UNC13C: variants seen among roughly 807,000 people sequenced by gnomAD.
UNC13C encodes the protein protein unc-13 homolog C.
Under a neutral mutation model 245.4 loss-of-function variants are expected in UNC13C, and 174 were observed. The ratio of observed to expected loss-of-function variants is 0.71; its 90% CI spans 0.63 to 0.80. UNC13C has a LOEUF of 0.80. Ranked by LOEUF, UNC13C falls within the 30% of genes least tolerant of loss-of-function variation. The pLI is 0.00. For missense variants in UNC13C, 2,829 were observed against 2,602.9 expected, an observed-to-expected ratio of 1.09 and a Z score of -1.89; for synonymous variants, 992 against 895.1, an observed-to-expected ratio of 1.11 and a Z score of -1.93.
intron 30 of UNC13C, among the ~76,000 whole-genome samples, chr15:54,617,403 C>A (rs563468355): frequency 6.6e-6 from 1 of 151,910 alleles, no homozygotes; most frequent in Non-Finnish European, 1.5e-5. Flanking sequence ...GTTCAATGAG[C>A]ATCAGAGCAC....
Position 54,157,677 on chromosome 15 carries a change from C to A in UNC13C, c.3071+13993C>A, listed in dbSNP as rs146879404. Among the ~76,000 whole-genome samples the A allele has an allele frequency of 3.2e-3, 494 of 152,230 alleles. 5 individuals carry two copies. Among genetic ancestry groups the A allele is most frequent in the Non-Finnish European group, 4.1e-3 (276 of 68,012 alleles). On this transcript the variant is annotated intron_variant, in intron 4 of 32. Coordinates refer to ENST00000260323, the MANE Select transcript of UNC13C (RefSeq NM_001080534.3). ...TGAGAAGATCAGCATAGCTGTAAAA[C>A]ATGTATAGTTCACTAGAAGCTCTCA...
chr15:53,942,445 A>T, the UNC13C span, among the ~76,000 whole-genome samples: 1 of 152,026 alleles, frequency 6.6e-6, no homozygotes, highest in Admixed American at 6.6e-5. Flanking sequence ...CAGCTAATGG[A>T]TGCTGGGCTT....
At chr15:54,029,647 C>T (rs1338122805) in intron 2 of UNC13C, among the ~76,000 whole-genome samples, 1 of 152,180 alleles carries the variant, frequency 6.6e-6, no homozygotes, top group African/African-American at 2.4e-5. Context: ...TATTAGTAAT[C>T]AGCAAGAAAG....
chr15:54,470,927 C>G (rs1892429562), intron 19 of UNC13C, among the ~76,000 whole-genome samples: 1 of 151,244 alleles, frequency 6.6e-6, no homozygotes, highest in Non-Finnish European at 1.5e-5. Flanking sequence ...TCCCATAATA[C>G]TCTCAAGATA....
chr15:54,256,304 C>T (rs910244920), intron 8 of UNC13C, among the ~76,000 whole-genome samples: 2 of 152,080 alleles, frequency 1.3e-5, no homozygotes, highest in Admixed American at 6.6e-5. Flanking sequence ...CAGAGGTGTA[C>T]TCTGGATGGG....
intron 30 of UNC13C, among the ~76,000 whole-genome samples, chr15:54,601,481 C>A (rs1322368294): frequency 6.6e-6 from 1 of 152,106 alleles, no homozygotes; most frequent in East Asian, 1.9e-4. Context: ...TGAATAGTTA[C>A]CAATACACAG....
At chr15:53,915,945 TA>T in the UNC13C span, among the ~76,000 whole-genome samples, 1 of 152,370 alleles carries the variant, frequency 6.6e-6, no homozygotes, top group African/African-American at 2.4e-5. Context: ...TCCTTGTCTG[TA>T]AAATGAAAAT....
chr15:54,219,097 A>G (rs867627191), intron 4 of UNC13C, among the ~76,000 whole-genome samples: 1 of 151,542 alleles, frequency 6.6e-6, no homozygotes, highest in South Asian at 2.1e-4. Flanking sequence ...TGAAAAAACT[A>G]CTTTAAAGTT....
At chr15:54,132,224 C>T (rs1489084397) in intron 2 of UNC13C, among the ~76,000 whole-genome samples, 1 of 151,930 alleles carries the variant, frequency 6.6e-6, no homozygotes, top group African/African-American at 2.4e-5. Flanking sequence ...GCGGCTGCCA[C>T]CACACCTGGC....
chr15:53,965,096 G>T, the UNC13C span, among the ~76,000 whole-genome samples: 1 of 152,052 alleles, frequency 6.6e-6, no homozygotes, highest in Non-Finnish European at 1.5e-5. Flanking sequence ...ACTCACACAG[G>T]CAACACAGCA....
the UNC13C span, among the ~76,000 whole-genome samples, chr15:53,907,341 A>G: frequency 5.3e-5 from 8 of 152,340 alleles, no homozygotes; most frequent in South Asian, 6.2e-4. Context: ...GTAAATTCTT[A>G]AAACACAATG....
At chr15:53,998,468 A>G (rs1894735686) in intron 1 of UNC13C, among the ~76,000 whole-genome samples, 2 of 152,036 alleles carry the variant, frequency 1.3e-5, no homozygotes, top group African/African-American at 4.8e-5. Context: ...TACTGAGCTT[A>G]TGTTCTGTGA....
chr15:54,103,683 A>G (rs1305185888), intron 2 of UNC13C, among the ~76,000 whole-genome samples: 2 of 151,940 alleles, frequency 1.3e-5, no homozygotes, highest in Non-Finnish European at 2.9e-5. Context: ...CTGTGCCATC[A>G]CCATCAGACC....
At chr15:54,056,727 A>T (rs943913649) in intron 2 of UNC13C, among the ~76,000 whole-genome samples, 8 of 152,316 alleles carry the variant, frequency 5.3e-5, no homozygotes, top group African/African-American at 1.7e-4. Flanking sequence ...CGGGTTACCC[A>T]GAAAGGGAAG....
At chr15:54,122,203 G>A (rs1293073045) in intron 2 of UNC13C, among the ~76,000 whole-genome samples, 1 of 151,570 alleles carries the variant, frequency 6.6e-6, no homozygotes, top group Non-Finnish European at 1.5e-5. Context: ...AGTCCTATGT[G>A]TCTGATTTCT....
At chr15:54,203,494 A>G (rs1222370381) in intron 4 of UNC13C, among the ~76,000 whole-genome samples, 1 of 139,008 alleles carries the variant, frequency 7.2e-6, no homozygotes, top group Non-Finnish European at 1.5e-5. Context: ...GTATATATAT[A>G]TATATATATA....
chr15:54,165,990 C>T (rs1031643108), intron 4 of UNC13C, among the ~76,000 whole-genome samples: 5 of 151,740 alleles, frequency 3.3e-5, no homozygotes, highest in African/African-American at 4.8e-5. Flanking sequence ...TGTGATTGTT[C>T]GTCTATTGTT....
intron 30 of UNC13C, among the ~76,000 whole-genome samples, chr15:54,598,253 C>T (rs1451388862): frequency 3.9e-5 from 6 of 152,158 alleles, no homozygotes; most frequent in South Asian, 2.1e-4. Flanking sequence ...CCACCACACC[C>T]GGCTAATTTT....
At chr15:54,276,785 G>A (rs191052603) in intron 10 of UNC13C, among the ~76,000 whole-genome samples, 4 of 152,012 alleles carry the variant, frequency 2.6e-5, no homozygotes, top group East Asian at 1.9e-4. Context: ...TTAGTCTTAC[G>A]ACATTTGAGA....
Sources: allele counts gnomAD v4.1 joint callset (sites outside exome capture counted in the v4.1 genomes callset), GRCh38; gene constraint gnomAD v4.1.1; transcripts MANE v1.5; gene names NCBI Gene and HGNC (gene_info 2026-07-23, HGNC 2026-07-21).